The following C12orf56 variants were observed in gnomAD, a reference collection of about 807,000 sequenced individuals.
C12orf56 encodes chromosome 12 open reading frame 56, also known as uncharacterized protein C12orf56.
In C12orf56, 71 loss-of-function variants were observed where a neutral mutation model predicts 69.9. The ratio of observed to expected loss-of-function variants is 1.02; its 90% CI spans 0.84 to 1.24. The LOEUF is 1.24. C12orf56 is among the 50% of genes most tolerant of loss of function. The pLI is 0.00. For missense variants in C12orf56, 732 were observed against 738.5 expected (o/e 0.99, Z 0.10); for synonymous variants, 276 against 274.1 (o/e 1.01, Z -0.07).
At position 64,328,548 on chromosome 12, in the gene C12orf56, C is replaced by T. The variant is rs907622527; in HGVS notation, c.488+2412G>A. ...ACAAAAAATTAGCTGGACATGGTGG[C>T]GGGCGCCTGTAATCCCAGCTACTCG... is the stretch of plus-strand genomic sequence containing the variant. On this transcript the variant is annotated intron_variant, in intron 3 of 12. Transcript: ENST00000543942. Among the ~76,000 whole-genome samples, 32 of 151,240 alleles carry T rather than the reference C, an allele frequency of 2.1e-4. No homozygotes were observed. In the East Asian group the frequency reaches 2.1e-3, roughly 10 times the overall value.
At position 64,277,224 on chromosome 12, in the gene C12orf56, T is replaced by A. The variant is rs190941942; in HGVS notation, c.1434+456A>T. On this transcript the variant is annotated intron_variant, in intron 9 of 12. Transcript: ENST00000543942. Reference sequence around the variant, plus strand: ...CTTGGTACAACCTTAGAAAAACAAGTAACTCTTGCTGAGAATTTATACTGT... The same window carrying A: ...CTTGGTACAACCTTAGAAAAACAAGAAACTCTTGCTGAGAATTTATACTGT... 6.8e-3 allele frequency among the ~76,000 whole-genome samples: 1,037 copies of A among 152,132 alleles called. 18 individuals carry two copies. Among genetic ancestry groups the A allele is most frequent in the African/African-American group, 0.024 (996 of 41,516 alleles).
At chr12:64,285,026 G>A (rs2038181167) in intron 7 of C12orf56, among the ~76,000 whole-genome samples, 1 of 152,046 alleles carries the variant, frequency 6.6e-6, no homozygotes, top group Non-Finnish European at 1.5e-5. Context: ...CCAGGTGGGC[G>A]AATGGCCTGA....
intron 3 of C12orf56, among the ~76,000 whole-genome samples, chr12:64,328,758 CAACTTAAGA>C (rs1295262285): frequency 1.6e-5 from 2 of 124,326 alleles, no homozygotes; most frequent in Admixed American, 8.9e-5. Context: ...TTAACTTATG[CAACTTAAGA>C]AACAACTTTT....
chr12:64,301,219 T>C (rs1216903055), intron 6 of C12orf56, among the ~76,000 whole-genome samples: 1 of 152,126 alleles, frequency 6.6e-6, no homozygotes, highest in Non-Finnish European at 1.5e-5. Context: ...ATGTTAAATA[T>C]TAAAAGCTGA....
intron 6 of C12orf56, among the ~76,000 whole-genome samples, chr12:64,300,574 C>T (rs1682937288): frequency 6.6e-6 from 1 of 152,110 alleles, no homozygotes; most frequent in African/African-American, 2.4e-5. Flanking sequence ...GTCCTAAGTC[C>T]TTTCCCAGTC....
chr12:64,280,848 C>T (rs1038020284), intron 8 of C12orf56, among the ~76,000 whole-genome samples: 12 of 152,182 alleles, frequency 7.9e-5, no homozygotes, highest in African/African-American at 2.7e-4. Flanking sequence ...ACTGAAACCT[C>T]GTGAGACCCT....
At chr12:64,332,039 T>A (rs1361091151) in intron 2 of C12orf56, among the ~76,000 whole-genome samples, 1 of 151,852 alleles carries the variant, frequency 6.6e-6, no homozygotes, top group Non-Finnish European at 1.5e-5. Flanking sequence ...GTGCGGTGAC[T>A]CACACTTGTA....
Position 64,267,059 on chromosome 12 carries a change from CTT to C in C12orf56, c.*122_*123del. 1.5e-6 allele frequency: 1 copy of C among 654,798 alleles called. No individual in the cohort carries two copies. The highest frequency in any genetic ancestry group is 2.5e-6 in the Non-Finnish European group (1 of 399,920). The allele number at this position is 654,798 out of a possible 1,614,324, so 40.6% of individuals were successfully genotyped here. ...TATTGATGGAACATTCAATTAAAAT[CTT>C]TGTTTATAGGACTCAGAGATAGCCA... On this transcript the variant is annotated 3_prime_UTR_variant, in exon 13 of 13. Coordinates refer to ENST00000543942, the MANE Select transcript of C12orf56 (RefSeq NM_001170633.2).
chr12:64,274,959 C>A lies in C12orf56; in HGVS notation c.1526G>T (p.Gly509Val). ...LVFQQGNLGL[G>V]STKFAISWIM... ...CCAGCTAATAGCAAACTTTGTGGAT[C>A]CCAATCCGAGATTTCCCTAAAAGAC... Residue 509 changes from glycine to valine, a missense_variant, in exon 11 of 13, where the codon GGA becomes GTA. By Grantham distance (109) the Gly-to-Val change is moderately radical. Coordinates refer to ENST00000543942, the MANE Select transcript of C12orf56 (RefSeq NM_001170633.2). 1 of 1,611,572 alleles carries A rather than the reference C, an allele frequency of 6.2e-7. No homozygotes were observed. The highest frequency in any genetic ancestry group is 2.2e-5 in the East Asian group (1 of 44,752).
intron 2 of C12orf56, among the ~76,000 whole-genome samples, chr12:64,331,323 A>G (rs561755215): frequency 3.9e-5 from 6 of 152,206 alleles, no homozygotes; most frequent in Admixed American, 1.3e-4. Flanking sequence ...CAACATAACG[A>G]GATGTCATCT....
At chr12:64,371,436 A>C (rs547622306) in intron 1 of C12orf56, among the ~76,000 whole-genome samples, 12 of 151,994 alleles carry the variant, frequency 7.9e-5, no homozygotes, top group African/African-American at 2.9e-4. Flanking sequence ...TCCACATGCA[A>C]AAGAATTATA....
chr12:64,332,877 GC>G (rs2038949517), intron 2 of C12orf56, among the ~76,000 whole-genome samples: 1 of 152,158 alleles, frequency 6.6e-6, no homozygotes, highest in Non-Finnish European at 1.5e-5. Flanking sequence ...TCACTATTTG[GC>G]CCTTTTGCTT....
chr12:64,286,712 A>G (rs10878135), intron 6 of C12orf56, among the ~76,000 whole-genome samples: 33,865 of 152,146 alleles, frequency 0.22, 4,087 homozygotes, highest in East Asian at 0.5. Flanking sequence ...TGAGAAATGT[A>G]ATGTAATTGC....
At chr12:64,357,641 A>G (rs115767566) in intron 1 of C12orf56, among the ~76,000 whole-genome samples, 4,481 of 152,098 alleles carry the variant, frequency 0.029, 218 homozygotes, top group African/African-American at 0.1. Flanking sequence ...TCACACCTGT[A>G]ATCCCAACAG....
At position 64,318,872 on chromosome 12, in the gene C12orf56, G is replaced by T; in HGVS notation, c.597C>A (p.Ser199=). The T allele has an allele frequency of 6.5e-7, 1 of 1,537,194 alleles. No individual in the cohort carries two copies. Among genetic ancestry groups the T allele is most frequent in the Non-Finnish European group, 8.7e-7 (1 of 1,146,898 alleles). The part of the protein sequence containing the change: ...HGQGAFRPLP[S]PSRRSSQSAP... The stretch of plus-strand genomic sequence containing the variant: ...CAGACTGAGAGCTCCTCCTGGAGGG[G>T]GAAGGTAGGGGTCGAAAGGCACCTT... The change falls in exon 4 of 13, where the codon TCC becomes TCA. Residue 199 remains serine, a synonymous_variant. Transcript: ENST00000543942.
At chr12:64,304,720 C>A (rs541551439) in intron 5 of C12orf56, among the ~76,000 whole-genome samples, 1 of 152,264 alleles carries the variant, frequency 6.6e-6, no homozygotes, top group South Asian at 2.1e-4. Context: ...GACGAGGTGG[C>A]CGGCTCTGGC....
rs2037925595 is a variant in C12orf56 at position 64,266,986 on chromosome 12, T to C, written c.*197A>G. The C allele has an allele frequency of 5.9e-6, 3 of 511,522 alleles. No individual in the cohort carries two copies. The highest frequency in any genetic ancestry group is 3.1e-5 in the South Asian group (1 of 31,882). The allele number at this position is 511,522 out of a possible 1,614,324, so 31.7% of individuals were successfully genotyped here. A position where few individuals can be genotyped will look rare whatever the true frequency, so the allele number is the denominator to read the frequency against. ...TGGCATAAAGATCTTTGCACACTTA[T>C]AATAAATCAAATTTATTTTTTAAAA... On this transcript the variant is annotated 3_prime_UTR_variant, in exon 13 of 13. Transcript: ENST00000543942.
At chr12:64,377,870 T>C (rs1235696544) in intron 1 of C12orf56, among the ~76,000 whole-genome samples, 2 of 152,212 alleles carry the variant, frequency 1.3e-5, no homozygotes, top group African/African-American at 4.8e-5. Flanking sequence ...TTTTTTTTTA[T>C]GATCTACTAG....
intron 1 of C12orf56, among the ~76,000 whole-genome samples, chr12:64,369,164 A>T (rs531366097): frequency 1.1e-4 from 16 of 151,580 alleles, no homozygotes; most frequent in Admixed American, 2.0e-4. Flanking sequence ...CTACAAAAAA[A>T]AAAAAAAGAA....
Sources: allele counts gnomAD v4.1 joint callset (sites outside exome capture counted in the v4.1 genomes callset), GRCh38; gene constraint gnomAD v4.1.1; transcripts MANE v1.5; gene names NCBI Gene and HGNC (gene_info 2026-07-23, HGNC 2026-07-21).